SLAMF1: variants seen among roughly 807,000 people sequenced by gnomAD.
The protein encoded by SLAMF1 is signaling lymphocytic activation molecule.
SLAMF1 carries 18 observed loss-of-function variants against 35.1 expected under a neutral mutation model. The ratio of observed to expected loss-of-function variants is 0.51; its 90% CI spans 0.35 to 0.76. The LOEUF (loss-of-function observed/expected upper bound fraction) is 0.76. SLAMF1 is among the 30% of genes least tolerant of loss of function. The pLI is 0.01. For missense variants in SLAMF1, 392 were observed against 413.0 expected, an observed-to-expected ratio of 0.95 and a Z score of 0.44; for synonymous variants, 168 against 157.2, an observed-to-expected ratio of 1.07 and a Z score of -0.51.
chr1:160,620,352 G>A (rs1489498464), intron 4 of SLAMF1, among the ~76,000 whole-genome samples: 1 of 152,114 alleles, frequency 6.6e-6, no homozygotes, highest in African/African-American at 2.4e-5. Context: ...GGGAATTGAT[G>A]TGTGGGAGGT....
At chr1:160,612,423 C>A (rs2025515) in intron 6 of SLAMF1, 65 bp downstream of exon 6, 406,612 of 1,006,452 alleles carry the variant, frequency 0.4, 67,852 homozygotes, top group East Asian at 0.54. Context: ...AAAAAAAAAA[C>A]TTCCTCATTT....
At chr1:160,646,208 G>C (rs1310307526) in intron 1 of SLAMF1, among the ~76,000 whole-genome samples, 6 of 152,166 alleles carry the variant, frequency 3.9e-5, no homozygotes, top group African/African-American at 1.4e-4. Flanking sequence ...TACTCTCTGA[G>C]GGTTCCCAAT....
At chr1:160,634,927 A>T in intron 2 of SLAMF1, 30 bp from the exon 3 acceptor site, 1 of 1,573,114 alleles carries the variant, frequency 6.4e-7, no homozygotes, top group Non-Finnish European at 8.7e-7. Flanking sequence ...GGGAGCCATC[A>T]CTGAAGTGAA....
chr1:160,641,283 A>G (rs950165577), intron 1 of SLAMF1, among the ~76,000 whole-genome samples: 4 of 152,014 alleles, frequency 2.6e-5, no homozygotes, highest in Non-Finnish European at 5.9e-5. Flanking sequence ...GATAGGGAGA[A>G]AAAAAGAATA....
At chr1:160,613,362 A>G (rs1490902810) in intron 5 of SLAMF1, among the ~76,000 whole-genome samples, 1 of 152,212 alleles carries the variant, frequency 6.6e-6, no homozygotes, top group Admixed American at 6.5e-5. Context: ...AATAAGCCAT[A>G]TATTTTTGTA....
Position 160,608,901 on chromosome 1 carries a change from T to G in SLAMF1, c.*1847A>C, listed in dbSNP as rs1658835959. ...CCACTTCTATTATTTGTAGAATTCCTTAATTCATAAGAAGTGAAAGTGGAA... is the reference window on the plus strand; with the variant it reads ...CCACTTCTATTATTTGTAGAATTCCGTAATTCATAAGAAGTGAAAGTGGAA... On this transcript the variant is annotated 3_prime_UTR_variant, in exon 7 of 7. Transcript: ENST00000302035. 6.6e-6 allele frequency: 1 copy of G among 152,218 alleles called. No homozygotes were observed. Among genetic ancestry groups the G allele is most frequent in the Non-Finnish European group, 1.5e-5 (1 of 68,048 alleles). The allele number at this position is 152,218 out of a possible 1,614,324, so 9.4% of individuals were successfully genotyped here. A position where few individuals can be genotyped will look rare whatever the true frequency, so the allele number is the denominator to read the frequency against.
At chr1:160,619,876 T>G in intron 4 of SLAMF1, 27 bp from the exon 5 acceptor site, 1 of 1,496,206 alleles carries the variant, frequency 6.7e-7, no homozygotes. Flanking sequence ...ATAATGGTTA[T>G]CTCCCTCTGG....
At chr1:160,636,820 T>A (rs1660476351) in intron 2 of SLAMF1, among the ~76,000 whole-genome samples, 1 of 152,214 alleles carries the variant, frequency 6.6e-6, no homozygotes, top group South Asian at 2.1e-4. Flanking sequence ...TAGGAGAGAC[T>A]GGGTTTGATC....
At chr1:160,636,014 T>C (rs1273411829) in intron 2 of SLAMF1, among the ~76,000 whole-genome samples, 1 of 152,192 alleles carries the variant, frequency 6.6e-6, no homozygotes, top group Admixed American at 6.5e-5. Context: ...TGAACCTAGG[T>C]CTGTCTGACT....
intron 3 of SLAMF1, among the ~76,000 whole-genome samples, chr1:160,632,005 C>T (rs1364611077): frequency 6.6e-6 from 1 of 151,926 alleles, no homozygotes; most frequent in East Asian, 1.9e-4. Context: ...GAGAAGACAG[C>T]CATTTACAAG....
chr1:160,612,345 G>T, intron 6 of SLAMF1, 143 bp downstream of exon 6: 4 of 556,284 alleles, frequency 7.2e-6, no homozygotes, highest in South Asian at 2.3e-5. Context: ...ACAGTATTTT[G>T]TCACCTAGGT....
intron 1 of SLAMF1, among the ~76,000 whole-genome samples, chr1:160,639,738 T>A (rs1558015466): frequency 6.6e-6 from 1 of 152,208 alleles, no homozygotes; most frequent in Non-Finnish European, 1.5e-5. Flanking sequence ...TGCTTTTAAA[T>A]TTCTGTGGCT....
chr1:160,608,927 A>G lies in SLAMF1; in HGVS notation c.*1821T>C, dbSNP rs926616558. ...TAATTCATAAGAAGTGAAAGTGGAAAATGCCAGATATTCAATTCCCAGCCC... is the reference window on the plus strand; with the variant it reads ...TAATTCATAAGAAGTGAAAGTGGAAGATGCCAGATATTCAATTCCCAGCCC... On this transcript the variant is annotated 3_prime_UTR_variant, in exon 7 of 7. Transcript: ENST00000302035. 3.9e-5 allele frequency: 6 copies of G among 152,202 alleles called. No homozygotes were observed. The highest frequency in any genetic ancestry group is 1.4e-4 in the African/African-American group (6 of 41,450). 9.4% of individuals were successfully genotyped at this position (152,202 alleles called of 1,614,324 possible). A position where few individuals can be genotyped will look rare whatever the true frequency, so the allele number is the denominator to read the frequency against.
chr1:160,645,093 C>G (rs1660966995), intron 1 of SLAMF1, among the ~76,000 whole-genome samples: 1 of 152,296 alleles, frequency 6.6e-6, no homozygotes, highest in South Asian at 2.1e-4. Context: ...TAAAACAAAT[C>G]TCATCGGGGG....
At chr1:160,611,169 T>C (rs1658963523) in intron 6 of SLAMF1, among the ~76,000 whole-genome samples, 1 of 152,060 alleles carries the variant, frequency 6.6e-6, no homozygotes, top group Non-Finnish European at 1.5e-5. Context: ...AATTATTGAG[T>C]TTTTAAAAAG....
chr1:160,615,173 G>A lies in SLAMF1; in HGVS notation c.865-2593C>T, dbSNP rs11265450. On this transcript the variant is annotated intron_variant, in intron 5 of 6. Coordinates refer to ENST00000302035, the MANE Select transcript of SLAMF1 (RefSeq NM_003037.5). ...TTTATATTGATATAATAAAGACATCGCAAATATGAACAAAGAAAATTGTGA... is the reference window on the plus strand; with the variant it reads ...TTTATATTGATATAATAAAGACATCACAAATATGAACAAAGAAAATTGTGA... Among the ~76,000 whole-genome samples, 237 of 151,326 alleles carry A rather than the reference G, an allele frequency of 1.6e-3. 2 individuals are homozygous for A. The highest frequency in any genetic ancestry group is 5.2e-3 in the African/African-American group (215 of 41,310).
Position 160,612,533 on chromosome 1 carries a change from G to A in SLAMF1, c.912C>T (p.Thr304=). The A allele has an allele frequency of 6.2e-7, 1 of 1,613,160 alleles. No homozygotes were observed. Among genetic ancestry groups the A allele is most frequent in the Non-Finnish European group, 8.5e-7 (1 of 1,179,542 alleles). Reference sequence around the variant, plus strand: ...GCTCTGTGGCAGCAACATATATGGTGGTGCAAGGGTCCTGAGCTGGGAAGG... The same window carrying A: ...GCTCTGTGGCAGCAACATATATGGTAGTGCAAGGGTCCTGAGCTGGGAAGG... ...LDSFPAQDPC[T]TIYVAATEPV... The change falls in exon 6 of 7, where the codon ACC becomes ACT. Residue 304 remains threonine (T), a synonymous_variant. Coordinates refer to ENST00000302035, the MANE Select transcript of SLAMF1 (RefSeq NM_003037.5).
chr1:160,618,161 A>AT (rs201170842), intron 5 of SLAMF1, among the ~76,000 whole-genome samples: 6 of 151,824 alleles, frequency 4.0e-5, no homozygotes, highest in South Asian at 2.1e-4. Context: ...CAATTCTAAT[A>AT]TTTTTTTTTC....
chr1:160,619,983 G>T (rs1282121804), intron 4 of SLAMF1, 134 bp from the exon 5 acceptor site: 2 of 695,950 alleles, frequency 2.9e-6, no homozygotes, highest in African/African-American at 1.8e-5. Context: ...CTGAGTCCCA[G>T]CCCCCCTGCA....
Sources: allele counts gnomAD v4.1 joint callset (sites outside exome capture counted in the v4.1 genomes callset), GRCh38; gene constraint gnomAD v4.1.1; transcripts MANE v1.5; gene names NCBI Gene and HGNC (gene_info 2026-07-23, HGNC 2026-07-21).